CLTCL1: variants seen among roughly 807,000 people sequenced by gnomAD.
The protein encoded by CLTCL1 is clathrin heavy chain like 1, also known as clathrin heavy chain 2.
In CLTCL1, 159 loss-of-function variants were observed where a neutral mutation model predicts 190.0. The ratio of observed to expected loss-of-function variants is 0.84; its 90% CI spans 0.74 to 0.95. The LOEUF is 0.95. Ranked by LOEUF, CLTCL1 falls within the 40% of genes least tolerant of loss-of-function variation. The pLI, the probability that CLTCL1 is intolerant of heterozygous loss-of-function variation, is 0.00. For missense variants in CLTCL1, 1,878 were observed against 2,033.4 expected (o/e 0.92, Z 1.47); for synonymous variants, 752 against 769.6 (o/e 0.98, Z 0.38).
At chr22:19,187,520 G>C in intron 29 of CLTCL1, 38 bp downstream of exon 29, 1 of 1,590,260 alleles carries the variant, frequency 6.3e-7, no homozygotes, top group East Asian at 2.3e-5. Context: ...AACACACCAA[G>C]GCAGGAAGGT....
intron 4 of CLTCL1, among the ~76,000 whole-genome samples, chr22:19,241,443 C>G (rs183389613): frequency 6.6e-6 from 1 of 152,190 alleles, no homozygotes; most frequent in Admixed American, 6.5e-5. Context: ...ACACGTGACC[C>G]GAGTCCTTTT....
chr22:19,257,211 T>C (rs2086789804), intron 2 of CLTCL1, among the ~76,000 whole-genome samples: 1 of 152,146 alleles, frequency 6.6e-6, no homozygotes, highest in East Asian at 1.9e-4. Flanking sequence ...AAAGTTAAAG[T>C]AAGCAAATGT....
intron 2 of CLTCL1, among the ~76,000 whole-genome samples, chr22:19,265,121 G>T (rs1200061454): frequency 7.9e-5 from 12 of 152,108 alleles, no homozygotes. Flanking sequence ...CAAAACACAT[G>T]ATCAGTAAGA....
At chr22:19,193,391 T>C (rs782070598) in intron 26 of CLTCL1, among the ~76,000 whole-genome samples, 2 of 152,174 alleles carry the variant, frequency 1.3e-5, no homozygotes, top group Non-Finnish European at 2.9e-5. Flanking sequence ...CCCTCTGCAC[T>C]ACAGGAGGAA....
intron 7 of CLTCL1, among the ~76,000 whole-genome samples, chr22:19,233,854 C>G (rs1450434849): frequency 6.6e-6 from 1 of 152,202 alleles, no homozygotes; most frequent in Non-Finnish European, 1.5e-5. Flanking sequence ...TCTCCCCCAG[C>G]ATGCTGCAGT....
intron 26 of CLTCL1, among the ~76,000 whole-genome samples, chr22:19,195,863 A>T (rs1270942066): frequency 1.3e-5 from 2 of 152,154 alleles, no homozygotes; most frequent in African/African-American, 4.8e-5. Flanking sequence ...GAACTAAAAA[A>T]AAAAAAGGTC....
At chr22:19,186,390 G>A (rs1337283766) in intron 29 of CLTCL1, among the ~76,000 whole-genome samples, 5 of 151,954 alleles carry the variant, frequency 3.3e-5, no homozygotes, top group African/African-American at 1.2e-4. Flanking sequence ...AGGGTCTTGG[G>A]GGTCCCTCCA....
chr22:19,286,004 A>G (rs1325439750), intron 1 of CLTCL1, among the ~76,000 whole-genome samples: 1 of 152,140 alleles, frequency 6.6e-6, no homozygotes, highest in Non-Finnish European at 1.5e-5. Context: ...CCCTGGGGAG[A>G]GACAGACAGA....
intron 2 of CLTCL1, chr22:19,258,717 A>G (rs1601673017): frequency 2.9e-6 from 2 of 689,400 alleles, no homozygotes; most frequent in East Asian, 2.8e-5. Context: ...CAGCAACTCC[A>G]TGCAAACCAT....
intron 1 of CLTCL1, among the ~76,000 whole-genome samples, chr22:19,280,176 A>T (rs572005002): frequency 2.6e-5 from 4 of 152,210 alleles, no homozygotes; most frequent in East Asian, 3.9e-4. Flanking sequence ...TGTTAAGTAT[A>T]AAAAAAAGAT....
In CLTCL1 at chr22:19,290,853, T is replaced by C. The variant is rs139402790; in HGVS notation, c.42+747A>G. ...AAAAGAGTAAGCGAATCGCAACGAA[T>C]GGTAGTGTGATGATTTAACACAGAG... On this transcript the variant is annotated intron_variant, in intron 1 of 32. Coordinates refer to ENST00000427926, the MANE Select transcript of CLTCL1 (RefSeq NM_007098.4). 5.6e-4 allele frequency among the ~76,000 whole-genome samples: 86 copies of C among 152,246 alleles called. No individual in the cohort carries two copies. The East Asian group carries it at 0.011, about 20-fold the overall frequency.
At chr22:19,290,787 T>C (rs2088083831) in intron 1 of CLTCL1, among the ~76,000 whole-genome samples, 1 of 152,236 alleles carries the variant, frequency 6.6e-6, no homozygotes. Flanking sequence ...TGAATGAAGA[T>C]GAGTTCTTTA....
intron 18 of CLTCL1, among the ~76,000 whole-genome samples, chr22:19,219,551 T>C (rs1259903415): frequency 6.6e-6 from 1 of 151,692 alleles, no homozygotes; most frequent in Non-Finnish European, 1.5e-5. Flanking sequence ...TGGCACGATG[T>C]CGGCTCACTG....
intron 2 of CLTCL1, chr22:19,258,448 A>G: frequency 2.4e-6 from 1 of 425,168 alleles, no homozygotes; most frequent in Admixed American, 3.0e-5. Context: ...ATTGGCCTGG[A>G]CTTGATGAGA....
intron 29 of CLTCL1, chr22:19,184,609 G>GT: frequency 2.2e-6 from 1 of 454,868 alleles, no homozygotes; most frequent in Non-Finnish European, 4.4e-6. Context: ...TTGAGGACCT[G>GT]TGACGCCCGC....
chr22:19,261,064 C>G (rs1091013), intron 2 of CLTCL1, among the ~76,000 whole-genome samples: 23 of 151,934 alleles, frequency 1.5e-4, no homozygotes, highest in African/African-American at 5.3e-4. Flanking sequence ...TTCTGCAATC[C>G]GTGGATCAAA....
At chr22:19,233,707 T>C in intron 7 of CLTCL1, 85 bp from the exon 8 acceptor site, 7 of 1,275,952 alleles carry the variant, frequency 5.5e-6, no homozygotes. Flanking sequence ...AAAACAAAAA[T>C]CTGCCAGTGG....
At chr22:19,258,519 A>G in intron 2 of CLTCL1, 1 of 535,338 alleles carries the variant, frequency 1.9e-6, no homozygotes, top group Non-Finnish European at 3.5e-6. Context: ...TACCACGCAG[A>G]TGGAGCAGCT....
At position 19,242,259 on chromosome 22, in the gene CLTCL1, G is replaced by T. The variant is rs5748067; in HGVS notation, c.681+516C>A. 9.4e-3 allele frequency among the ~76,000 whole-genome samples: 1,421 copies of T among 151,684 alleles called. 34 individuals are homozygous for T. Among genetic ancestry groups the T allele is most frequent in the East Asian group, 0.068 (349 of 5,120 alleles). ...CACCTGGCTGCCTCACTTACCTTTA[G>T]AGTGCATTTCAGTCTAGTCTGTGTG... On this transcript the variant is annotated intron_variant, in intron 4 of 32. Transcript: ENST00000427926.
Sources: gnomAD v4.1 joint callset for allele counts (sites outside exome capture counted in the v4.1 genomes callset) on GRCh38, gnomAD v4.1.1 for gene constraint, MANE v1.5 for transcripts, NCBI Gene and HGNC (gene_info 2026-07-23, HGNC 2026-07-21) for gene names.